MED12L: variants seen among roughly 807,000 people sequenced by gnomAD.
MED12L encodes mediator of RNA polymerase II transcription subunit 12-like protein.
MED12L carries 60 observed loss-of-function variants against 281.3 expected under a neutral mutation model. The ratio of observed to expected loss-of-function variants is 0.21; its 90% CI spans 0.17 to 0.26. The LOEUF (loss-of-function observed/expected upper bound fraction) is 0.26. Ranked by LOEUF, MED12L falls within the 10% of genes least tolerant of loss-of-function variation. The pLI, the probability that MED12L is intolerant of heterozygous loss-of-function variation, is 1.00. For synonymous variants in MED12L, 974 were observed against 987.2 expected, an observed-to-expected ratio of 0.99 and a Z score of 0.25; for missense variants, 2,146 against 2,680.9, an observed-to-expected ratio of 0.80 and a Z score of 4.41.
At chr3:151,213,765 G>A (rs201537174) in intron 16 of MED12L, 2 of 1,613,992 alleles carry the variant, frequency 1.2e-6, no homozygotes, top group Admixed American at 1.7e-5. Context: ...TTGATGCTTT[G>A]TGCCACTTCC....
intron 16 of MED12L, among the ~76,000 whole-genome samples, chr3:151,244,916 A>G (rs1559929633): frequency 6.6e-6 from 1 of 152,232 alleles, no homozygotes; most frequent in African/African-American, 2.4e-5. Flanking sequence ...AATAGACCCA[A>G]TAAAAAATGA....
rs907473830 is a variant in MED12L, at chr3:151,409,303, C to T, written c.5881C>T (p.Pro1961Ser). 11 of 1,613,912 alleles carry T rather than the reference C, an allele frequency of 6.8e-6. No individual in the cohort carries two copies. The highest frequency in any genetic ancestry group is 9.3e-6 in the Non-Finnish European group (11 of 1,179,984). ...AAQARPSPQL[P>S]QYPGLQQAQT... is the part of the protein sequence containing the mutation. ...GCAAGCACGGCCCTCCCCTCAGCTCCCTCAGTATCCAGGGCTGCAGCAAGC... is the reference window on the plus strand; with the variant it reads ...GCAAGCACGGCCCTCCCCTCAGCTCTCTCAGTATCCAGGGCTGCAGCAAGC... The change falls in exon 40 of 45, where the codon CCT (proline) becomes TCT (serine). Residue 1961 changes from proline (P) to serine (S), a missense_variant. This residue lies in a region of MED12L where 496 missense variants were observed against 512.0 expected (regional missense o/e 0.97). Transcript: ENST00000687756.
intron 16 of MED12L, among the ~76,000 whole-genome samples, chr3:151,348,376 A>G (rs970334387): frequency 2.7e-5 from 4 of 146,820 alleles, no homozygotes; most frequent in African/African-American, 7.5e-5. Context: ...AAAAAGAAAT[A>G]TATCAGTAAT....
In MED12L at chr3:151,354,000, G is replaced by T. The variant is rs1449894730; in HGVS notation, c.2399-1121G>T. Among the ~76,000 whole-genome samples the T allele has an allele frequency of 7.8e-5, 9 of 115,904 alleles. No individual in the cohort carries two copies. In the South Asian group the frequency reaches 1.5e-3, roughly 19 times the overall value. 76.0% of individuals were successfully genotyped at this position (115,904 alleles called of 152,430 possible). ...ACTAAAAATACAAAAAATTAGCCGG[G>T]CGTAGTGGCGGGCGCCTGTAGTCCC... On this transcript the variant is annotated intron_variant, in intron 17 of 44. Coordinates refer to ENST00000687756, the MANE Select transcript of MED12L (RefSeq NM_001393769.1).
chr3:151,086,703 C>G, intron 1 of MED12L, 95 bp from the exon 2 acceptor site: 1 of 393,184 alleles, frequency 2.5e-6, no homozygotes, highest in Non-Finnish European at 4.6e-6. Flanking sequence ...GGGGCTCGAG[C>G]GCAGCCGAGT....
chr3:151,298,459 CCTT>C (rs1443252081), intron 16 of MED12L, among the ~76,000 whole-genome samples: 4 of 152,158 alleles, frequency 2.6e-5, no homozygotes, highest in Non-Finnish European at 5.9e-5. Flanking sequence ...TTTCCCCATC[CCTT>C]CTTCTTGTTT....
chr3:151,203,920 C>CA (rs536911132), intron 16 of MED12L, among the ~76,000 whole-genome samples: 5 of 152,052 alleles, frequency 3.3e-5, no homozygotes, highest in Non-Finnish European at 7.4e-5. Flanking sequence ...CTGTTTGACT[C>CA]AAACAGCCTG....
intron 39 of MED12L, among the ~76,000 whole-genome samples, chr3:151,396,597 G>A (rs560164961): frequency 2.0e-5 from 3 of 152,202 alleles, no homozygotes; most frequent in African/African-American, 7.2e-5. Flanking sequence ...CTGCACTCCA[G>A]CCCGGTCAAC....
chr3:151,132,691 T>A (rs951871167), intron 5 of MED12L, among the ~76,000 whole-genome samples: 4 of 152,246 alleles, frequency 2.6e-5, no homozygotes, highest in Admixed American at 6.5e-5. Context: ...TATTCTTATA[T>A]GTATTTTAAT....
intron 16 of MED12L, among the ~76,000 whole-genome samples, chr3:151,299,356 C>CTTTCTTTTCTTTTCT (rs71138493): frequency 0.18 from 17,085 of 94,214 alleles, 2,915 homozygotes; most frequent in South Asian, 0.25. Context: ...TTCCTTCCTT[C>CTTTCTTTTCTTTTCT]TTTCTTTTCT....
chr3:151,153,244 G>A (rs1718800399), intron 5 of MED12L, among the ~76,000 whole-genome samples: 1 of 152,160 alleles, frequency 6.6e-6, no homozygotes, highest in African/African-American at 2.4e-5. Flanking sequence ...TAACAAGGAA[G>A]GAATAGTGGT....
chr3:151,187,421 A>T lies in MED12L; in HGVS notation c.1627-933A>T, dbSNP rs376331893. 2.2e-3 allele frequency among the ~76,000 whole-genome samples: 335 copies of T among 152,328 alleles called. 7 individuals are homozygous for T. In the South Asian group the frequency reaches 0.057, roughly 26 times the overall value. ...TAATAGCCTAAATGTATCTATATCT[A>T]AAAATGTATTCTTTCAGAGATATTT... On this transcript the variant is annotated intron_variant, in intron 12 of 44. Coordinates refer to ENST00000687756, the MANE Select transcript of MED12L (RefSeq NM_001393769.1).
intron 16 of MED12L, among the ~76,000 whole-genome samples, chr3:151,202,539 G>A (rs773208555): frequency 6.6e-6 from 1 of 152,026 alleles, no homozygotes; most frequent in Non-Finnish European, 1.5e-5. Flanking sequence ...ACGCGGTGGC[G>A]GGCACCTGTA....
chr3:151,432,787 C>T lies in MED12L; in HGVS notation c.6526C>T (p.His2176Tyr), dbSNP rs1480418532. 1 of 1,613,248 alleles carries T rather than the reference C, an allele frequency of 6.2e-7. No homozygotes were observed. Among genetic ancestry groups the T allele is most frequent in the Non-Finnish European group, 8.5e-7 (1 of 1,179,506 alleles). The change falls in exon 45 of 45, where the codon CAT becomes TAT. Residue 2176 changes from histidine to tyrosine, a missense_variant. Around this residue, in one of 9 missense-constraint regions of MED12L, gnomAD observed 25 missense variants for 24.9 expected, o/e 1.00. Transcript: ENST00000687756. Reference protein sequence around the residue: ...QPQQGVTPYGHPSHF With the variant: ...QPQQGVTPYGYPSHF ...ACAGCAAGGAGTGACTCCGTATGGG[C>T]ATCCTTCACACTTCTGAATCTGCAA...
At chr3:151,263,824 T>C (rs1421154990) in intron 16 of MED12L, among the ~76,000 whole-genome samples, 4 of 152,118 alleles carry the variant, frequency 2.6e-5, no homozygotes, top group African/African-American at 9.7e-5. Context: ...TGTTAAATGG[T>C]AATAATTCTC....
At chr3:151,207,345 G>GAATCTTATC (rs1256407642) in intron 16 of MED12L, among the ~76,000 whole-genome samples, 1 of 152,170 alleles carries the variant, frequency 6.6e-6, no homozygotes, top group Non-Finnish European at 1.5e-5. Flanking sequence ...GAATGAAAAG[G>GAATCTTATC]AATCTTATCA....
intron 43 of MED12L, among the ~76,000 whole-genome samples, chr3:151,419,673 G>T (rs969531310): frequency 3.3e-5 from 5 of 151,868 alleles, no homozygotes; most frequent in Admixed American, 3.3e-4. Context: ...CACCTCCTGA[G>T]ATCAGACATA....
intron 11 of MED12L, among the ~76,000 whole-genome samples, chr3:151,169,098 TTTTC>T (rs1398328668): frequency 1.3e-5 from 2 of 150,728 alleles, no homozygotes; most frequent in Non-Finnish European, 2.9e-5. Flanking sequence ...ACTGTTTTCT[TTTTC>T]TTTGTTTTTT....
At chr3:151,350,020 T>C (rs747730874) in intron 16 of MED12L, 39 bp from the exon 17 acceptor site, 56 of 1,595,688 alleles carry the variant, frequency 3.5e-5, no homozygotes, top group Non-Finnish European at 4.4e-5. Flanking sequence ...ACCCCACCCC[T>C]GCAGACAAGA....
Sources: gnomAD v4.1 joint callset for allele counts (sites outside exome capture counted in the v4.1 genomes callset) on GRCh38, gnomAD v4.1.1 for gene constraint, gnomAD v4.1.1 regional missense constraint, MANE v1.5 for transcripts, NCBI Gene and HGNC (gene_info 2026-07-23, HGNC 2026-07-21) for gene names.